The following GNG12 variants were observed in gnomAD, a reference collection of about 807,000 sequenced individuals.
GNG12 encodes G protein subunit gamma 12.
For synonymous variants in GNG12, 28 were observed against 29.7 expected, an observed-to-expected ratio of 0.94 and a Z score of 0.19; for missense variants, 69 against 83.8, an observed-to-expected ratio of 0.82 and a Z score of 0.69.
Position 67,705,532 on chromosome 1 carries a change from A to C in GNG12, c.138T>G (p.His46Gln), listed in dbSNP as rs17130202. 1 of 1,614,142 alleles carries C rather than the reference A, an allele frequency of 6.2e-7. No homozygotes were observed. Among genetic ancestry groups the C allele is most frequent in the Non-Finnish European group, 8.5e-7 (1 of 1,180,010 alleles). Residue 46 changes from histidine to glutamine, a missense_variant, in exon 4 of 4, where the codon CAT (histidine) becomes CAG (glutamine). By Grantham distance (24) the His-to-Gln change is conservative. Coordinates refer to ENST00000370982, the MANE Select transcript of GNG12 (RefSeq NM_018841.6). ...SADLMSYCEE[H>Q]ARSDPLLIGI... ...CTATCAGCAAAGGGTCACTCCTGGC[A>C]TGTTCCTCACAGTAGGACATGAGGT...
At chr1:67,766,098 GCACACA>G (rs1278948416) in intron 2 of GNG12, among the ~76,000 whole-genome samples, 79 of 100,886 alleles carry the variant, frequency 7.8e-4, no homozygotes, top group African/African-American at 3.5e-3. Context: ...ACAAAACAAG[GCACACA>G]CGCACACACA....
chr1:67,707,698 G>T lies in GNG12; in HGVS notation c.-12C>A. On this transcript the variant is annotated 5_prime_UTR_variant, in exon 3 of 4. Transcript: ENST00000370982. ...GTTTTGCTGGACATCTTCAATTATT[G>T]TTTTTACCTGAAATCTGAGGAGAAT... 1 of 1,572,812 alleles carries T rather than the reference G, an allele frequency of 6.4e-7. No homozygotes were observed. Among genetic ancestry groups the T allele is most frequent in the East Asian group, 2.3e-5 (1 of 43,990 alleles).
At chr1:67,821,397 T>A (rs1646983946) in intron 1 of GNG12, among the ~76,000 whole-genome samples, 1 of 152,028 alleles carries the variant, frequency 6.6e-6, no homozygotes, top group South Asian at 2.1e-4. Flanking sequence ...TGTTGCTAGT[T>A]CTGATATGGG....
rs1222893967 is a variant in GNG12, at chr1:67,833,423, T to G, written c.-156A>C. 16 of 984,204 alleles carry G rather than the reference T, an allele frequency of 1.6e-5. No individual in the cohort carries two copies. The highest frequency in any genetic ancestry group is 1.9e-5 in the Non-Finnish European group (16 of 829,520). The allele number at this position is 984,204 out of a possible 1,614,324, so 61.0% of individuals were successfully genotyped here. On this transcript the variant is annotated 5_prime_UTR_variant, in exon 1 of 4. Transcript: ENST00000370982. ...TCCTGGAGACGGCTCCGACCTCTCC[T>G]CCTCCTCCTCCTCTTGCTCCTCCGG...
At chr1:67,812,389 G>T (rs1464571483) in intron 1 of GNG12, among the ~76,000 whole-genome samples, 1 of 152,148 alleles carries the variant, frequency 6.6e-6, no homozygotes, top group Non-Finnish European at 1.5e-5. Context: ...TGACAGATAA[G>T]GACACTGAGG....
chr1:67,819,922 T>C (rs1646975662), intron 1 of GNG12, among the ~76,000 whole-genome samples: 1 of 152,254 alleles, frequency 6.6e-6, no homozygotes, highest in Admixed American at 6.5e-5. Context: ...CCTGGTCACC[T>C]CCATCCCCAG....
intron 1 of GNG12, among the ~76,000 whole-genome samples, chr1:67,804,990 T>C (rs1021381026): frequency 1.3e-5 from 2 of 152,200 alleles, no homozygotes; most frequent in Non-Finnish European, 1.5e-5. Flanking sequence ...TAATATGGAC[T>C]GCCCTCAGAG....
At chr1:67,742,980 T>C (rs1275570191) in intron 2 of GNG12, among the ~76,000 whole-genome samples, 1 of 152,094 alleles carries the variant, frequency 6.6e-6, no homozygotes, top group Non-Finnish European at 1.5e-5. Context: ...GTCTGATAAA[T>C]CCTCTGATGG....
At position 67,783,790 on chromosome 1, in the gene GNG12, G is replaced by A. The variant is rs1275097245; in HGVS notation, c.-76-6283C>T. ...GATACCATCTCACACCAGTTAGAAT[G>A]GCGATCATTAAAAAGTCAGGAAACA... On this transcript the variant is annotated intron_variant, in intron 1 of 3. Coordinates refer to ENST00000370982, the MANE Select transcript of GNG12 (RefSeq NM_018841.6). Among the ~76,000 whole-genome samples, 5 of 152,146 alleles carry A rather than the reference G, an allele frequency of 3.3e-5. No homozygotes were observed. In the East Asian group the frequency reaches 7.7e-4, roughly 23 times the overall value.
chr1:67,734,927 C>T (rs922321239), intron 2 of GNG12, among the ~76,000 whole-genome samples: 2 of 152,168 alleles, frequency 1.3e-5, no homozygotes, highest in Non-Finnish European at 2.9e-5. Flanking sequence ...GATCTCGGCT[C>T]ACTGTAACCT....
intron 1 of GNG12, among the ~76,000 whole-genome samples, chr1:67,820,455 C>CA (rs1166825149): frequency 6.6e-6 from 1 of 151,902 alleles, no homozygotes; most frequent in Non-Finnish European, 1.5e-5. Context: ...CCTTTGTCCA[C>CA]AAAAAATAGC....
intron 2 of GNG12, among the ~76,000 whole-genome samples, chr1:67,759,012 A>G (rs1396123785): frequency 2.6e-5 from 4 of 152,188 alleles, no homozygotes; most frequent in Admixed American, 2.6e-4. Flanking sequence ...TGTATATTTC[A>G]AAACAGCTAA....
intron 2 of GNG12, among the ~76,000 whole-genome samples, chr1:67,773,721 G>A (rs1248629549): frequency 1.3e-5 from 2 of 152,140 alleles, no homozygotes; most frequent in East Asian, 1.9e-4. Flanking sequence ...CATTCACAGA[G>A]CACTATCAGG....
chr1:67,802,702 G>GCA (rs915142718), intron 1 of GNG12, among the ~76,000 whole-genome samples: 7 of 152,056 alleles, frequency 4.6e-5, no homozygotes, highest in Admixed American at 3.9e-4. Flanking sequence ...CTATGCCCCA[G>GCA]CACACACACA....
intron 2 of GNG12, among the ~76,000 whole-genome samples, chr1:67,744,940 C>T (rs944429047): frequency 2.0e-5 from 3 of 152,164 alleles, no homozygotes; most frequent in African/African-American, 7.2e-5. Flanking sequence ...TGGGTTTGAC[C>T]AGCTCTGCCA....
At chr1:67,736,046 C>A (rs920973684) in intron 2 of GNG12, among the ~76,000 whole-genome samples, 1 of 152,054 alleles carries the variant, frequency 6.6e-6, no homozygotes, top group South Asian at 2.1e-4. Flanking sequence ...CACTTTCTTG[C>A]GGGGGGTAGA....
At chr1:67,807,932 A>C (rs921513878) in intron 1 of GNG12, among the ~76,000 whole-genome samples, 1 of 152,166 alleles carries the variant, frequency 6.6e-6, no homozygotes, top group African/African-American at 2.4e-5. Context: ...AGAAGACAGA[A>C]GCAGACAGAA....
At chr1:67,782,380 G>A (rs1197466210) in intron 1 of GNG12, among the ~76,000 whole-genome samples, 1 of 152,114 alleles carries the variant, frequency 6.6e-6, no homozygotes, top group East Asian at 1.9e-4. Context: ...TTGTACAACG[G>A]CTTCTGTCCC....
chr1:67,729,747 T>C (rs1392481917), intron 2 of GNG12, among the ~76,000 whole-genome samples: 1 of 152,198 alleles, frequency 6.6e-6, no homozygotes, highest in Non-Finnish European at 1.5e-5. Flanking sequence ...CTACTACTAA[T>C]TGGCTTTCCA....
Sources: gnomAD v4.1 joint callset for allele counts (sites outside exome capture counted in the v4.1 genomes callset) on GRCh38, gnomAD v4.1.1 for gene constraint, MANE v1.5 for transcripts, NCBI Gene and HGNC (gene_info 2026-07-23, HGNC 2026-07-21) for gene names.